The following SLC1A1 variants were observed in gnomAD, a reference collection of about 807,000 sequenced individuals.
SLC1A1 encodes the protein solute carrier family 1 member 1.
A neutral mutation model predicts 53.3 loss-of-function variants in SLC1A1; 43 were observed. The ratio of observed to expected loss-of-function variants is 0.81; its 90% CI spans 0.63 to 1.04. The LOEUF is 1.04. Among genes scored for constraint, SLC1A1 ranks in the 50% least tolerant of loss-of-function variants. The probability of loss-of-function intolerance (pLI) is 0.00; values close to 1 mark genes in which losing one functional copy is unlikely to be tolerated. For synonymous variants in SLC1A1, 307 were observed against 243.2 expected, an observed-to-expected ratio of 1.26 and a Z score of -2.44; for missense variants, 748 against 664.9, an observed-to-expected ratio of 1.12 and a Z score of -1.37.
chr9:4,531,976 CAGA>C (rs1816489055), intron 1 of SLC1A1, among the ~76,000 whole-genome samples: 1 of 152,218 alleles, frequency 6.6e-6, no homozygotes, highest in South Asian at 2.1e-4. Context: ...CAAACTCCAA[CAGA>C]CCTGCAGCTG....
At chr9:4,558,901 G>A (rs1159955583) in intron 2 of SLC1A1, among the ~76,000 whole-genome samples, 3 of 152,252 alleles carry the variant, frequency 2.0e-5, no homozygotes, top group Admixed American at 6.5e-5. Context: ...TTAAGGTGGT[G>A]ATTCTTTTTG....
rs138302363 is a variant in SLC1A1, at chr9:4,547,325, G to T, written c.232+2618G>T. 6.9e-3 allele frequency among the ~76,000 whole-genome samples: 1,053 copies of T among 152,302 alleles called. 20 individuals carry two copies. Among genetic ancestry groups the T allele is most frequent in the African/African-American group, 0.024 (1,004 of 41,554 alleles). On this transcript the variant is annotated intron_variant, in intron 2 of 11. Coordinates refer to ENST00000262352, the MANE Select transcript of SLC1A1 (RefSeq NM_004170.6). ...CTTTTGAAGCTATAGCATGGATCAA[G>T]TAGTTTCTCCACTTTTCCTCCACCA... is the stretch of plus-strand genomic sequence containing the variant.
At chr9:4,508,173 T>C (rs907356243) in intron 1 of SLC1A1, among the ~76,000 whole-genome samples, 2 of 152,056 alleles carry the variant, frequency 1.3e-5, no homozygotes, top group Non-Finnish European at 2.9e-5. Flanking sequence ...AACAAGATGA[T>C]AGGTAGAATC....
At chr9:4,578,342 G>T (rs1325534487) in intron 10 of SLC1A1, among the ~76,000 whole-genome samples, 1 of 152,220 alleles carries the variant, frequency 6.6e-6, no homozygotes, top group Non-Finnish European at 1.5e-5. Flanking sequence ...ACTTATTCAA[G>T]TAGTGGCAAT....
At chr9:4,498,783 GTGAGT>G (rs888780825) in intron 1 of SLC1A1, among the ~76,000 whole-genome samples, 4 of 150,666 alleles carry the variant, frequency 2.7e-5, no homozygotes, top group African/African-American at 4.9e-5. Flanking sequence ...GGAGTTGCTA[GTGAGT>G]TAAGTTCATC....
chr9:4,587,229 T>C lies in SLC1A1; in HGVS notation c.*1671T>C, dbSNP rs186886993. ...GAATTTTAAAATGCAAATATTGCTA[T>C]TGTTTATAGGAAATAAATCTAAATA... On this transcript the variant is annotated 3_prime_UTR_variant, in exon 12 of 12. Transcript: ENST00000262352. 42 of 152,536 alleles carry C rather than the reference T, an allele frequency of 2.8e-4. No individual in the cohort carries two copies. The highest frequency in any genetic ancestry group is 9.6e-4 in the African/African-American group (40 of 41,596). 9.4% of individuals were successfully genotyped at this position (152,536 alleles called of 1,614,324 possible). A position where few individuals can be genotyped will look rare whatever the true frequency, so the allele number is the denominator to read the frequency against.
intron 1 of SLC1A1, among the ~76,000 whole-genome samples, chr9:4,505,532 C>T (rs1363216011): frequency 6.6e-6 from 1 of 152,206 alleles, no homozygotes; most frequent in Non-Finnish European, 1.5e-5. Flanking sequence ...GGATGTTTCT[C>T]AATTCAGCAT....
chr9:4,491,631 T>C (rs1229471810), intron 1 of SLC1A1, among the ~76,000 whole-genome samples: 1 of 152,216 alleles, frequency 6.6e-6, no homozygotes, highest in Non-Finnish European at 1.5e-5. Flanking sequence ...TCTGATTTTT[T>C]ACCAAGGTTG....
chr9:4,528,774 G>A (rs539471473), intron 1 of SLC1A1, among the ~76,000 whole-genome samples: 2 of 150,070 alleles, frequency 1.3e-5, no homozygotes, highest in African/African-American at 5.0e-5. Context: ...TAATATATGC[G>A]GCCTCATCCA....
chr9:4,499,612 T>C (rs1013527584), intron 1 of SLC1A1, among the ~76,000 whole-genome samples: 1 of 152,224 alleles, frequency 6.6e-6, no homozygotes, highest in Non-Finnish European at 1.5e-5. Flanking sequence ...AACACAAAAT[T>C]ATAAAATGAA....
chr9:4,505,578 T>C (rs886256151), intron 1 of SLC1A1, among the ~76,000 whole-genome samples: 1 of 152,242 alleles, frequency 6.6e-6, no homozygotes, highest in Non-Finnish European at 1.5e-5. Flanking sequence ...TTCCATTGGC[T>C]CTACGTGCAA....
chr9:4,494,088 T>C (rs1820328150), intron 1 of SLC1A1, among the ~76,000 whole-genome samples: 1 of 152,234 alleles, frequency 6.6e-6, no homozygotes, highest in African/African-American at 2.4e-5. Flanking sequence ...AGGAAAATCC[T>C]CTGCTAAAAT....
At chr9:4,507,522 G>A (rs916135399) in intron 1 of SLC1A1, among the ~76,000 whole-genome samples, 1 of 152,166 alleles carries the variant, frequency 6.6e-6, no homozygotes, top group African/African-American at 2.4e-5. Context: ...AAAAGTAAAT[G>A]TTTCTGTGGT....
At chr9:4,558,625 T>C (rs1294407492) in intron 2 of SLC1A1, among the ~76,000 whole-genome samples, 1 of 152,238 alleles carries the variant, frequency 6.6e-6, no homozygotes, top group Non-Finnish European at 1.5e-5. Context: ...CACCAGCCCA[T>C]GGCCAAATCA....
chr9:4,512,952 G>GTT (rs1448497393), intron 1 of SLC1A1, among the ~76,000 whole-genome samples: 4 of 151,940 alleles, frequency 2.6e-5, no homozygotes, highest in African/African-American at 9.7e-5. Flanking sequence ...TTTGACAAAG[G>GTT]TGCAAAAGCT....
rs989227800 is a variant in SLC1A1 at position 4,543,534 on chromosome 9, G to C, written c.92-1033G>C. ...CATACAACTGAAGGATTTCAATATG[G>C]GCATCTTGTTAAGGAAAAGCTTTCA... is the stretch of plus-strand genomic sequence containing the variant. On this transcript the variant is annotated intron_variant, in intron 1 of 11. Coordinates refer to ENST00000262352, the MANE Select transcript of SLC1A1 (RefSeq NM_004170.6). 2.0e-5 allele frequency among the ~76,000 whole-genome samples: 3 copies of C among 152,164 alleles called. No individual in the cohort carries two copies. The East Asian group carries it at 5.8e-4, about 29-fold the overall frequency.
intron 1 of SLC1A1, among the ~76,000 whole-genome samples, chr9:4,495,934 G>C (rs1820399050): frequency 6.6e-6 from 1 of 152,232 alleles, no homozygotes; most frequent in East Asian, 1.9e-4. Context: ...TGGACGTGTT[G>C]AGTTTGAGGA....
At chr9:4,504,644 GA>G (rs1303923956) in intron 1 of SLC1A1, among the ~76,000 whole-genome samples, 5 of 152,220 alleles carry the variant, frequency 3.3e-5, no homozygotes, top group Non-Finnish European at 7.3e-5. Context: ...AAGTGATGGA[GA>G]TAAAGATCTT....
chr9:4,539,406 TG>T (rs1816820010), intron 1 of SLC1A1, among the ~76,000 whole-genome samples: 1 of 152,216 alleles, frequency 6.6e-6, no homozygotes, highest in Non-Finnish European at 1.5e-5. Context: ...TCAGAACCTC[TG>T]AGACAAGGCT....
Sources: gnomAD v4.1 joint callset for allele counts (sites outside exome capture counted in the v4.1 genomes callset) on GRCh38, gnomAD v4.1.1 for gene constraint, MANE v1.5 for transcripts, NCBI Gene and HGNC (gene_info 2026-07-23, HGNC 2026-07-21) for gene names.